Variants in STK32A observed in about 807,000 individuals in gnomAD.
STK32A encodes the protein serine/threonine-protein kinase 32A.
Under a neutral mutation model 53.2 loss-of-function variants are expected in STK32A, and 41 were observed. That is an observed-to-expected ratio of 0.77 (90% confidence interval 0.60 to 1.00). STK32A has a LOEUF of 1.00. Ranked by LOEUF, STK32A falls within the 50% of genes least tolerant of loss-of-function variation. The pLI, the probability that STK32A is intolerant of heterozygous loss-of-function variation, is 0.00. For missense variants in STK32A, 458 were observed against 485.8 expected, an observed-to-expected ratio of 0.94 and a Z score of 0.54; for synonymous variants, 166 against 162.8, an observed-to-expected ratio of 1.02 and a Z score of -0.15.
chr5:147,389,719 A>T (rs1640679909), downstream of STK32A, among the ~76,000 whole-genome samples: 1 of 151,974 alleles, frequency 6.6e-6, no homozygotes. Flanking sequence ...AAATACAAAA[A>T]ATTAGCCGGG....
At chr5:147,363,119 A>AAAAC (rs989330256) in intron 8 of STK32A, among the ~76,000 whole-genome samples, 2 of 151,894 alleles carry the variant, frequency 1.3e-5, no homozygotes, top group Admixed American at 6.6e-5. Context: ...AACAAACAAA[A>AAAAC]AACAAGCAAG....
At chr5:147,284,556 C>G (rs997780687) in intron 4 of STK32A, among the ~76,000 whole-genome samples, 1 of 152,008 alleles carries the variant, frequency 6.6e-6, no homozygotes, top group Admixed American at 6.6e-5. Context: ...AAGAATTCAG[C>G]AAAGTTTCCG....
chr5:147,339,982 CTT>C (rs1755325337), intron 5 of STK32A, among the ~76,000 whole-genome samples: 1 of 152,190 alleles, frequency 6.6e-6, no homozygotes, highest in African/African-American at 2.4e-5. Flanking sequence ...TGAGTTAAGA[CTT>C]TGGGGAATTC....
At chr5:147,254,996 T>C (rs1036167962) in intron 2 of STK32A, among the ~76,000 whole-genome samples, 1 of 151,944 alleles carries the variant, frequency 6.6e-6, no homozygotes, top group Admixed American at 6.6e-5. Context: ...AAAAATTAGC[T>C]GGGCGTGGTG....
At chr5:147,324,874 G>A (rs548586629) in intron 5 of STK32A, among the ~76,000 whole-genome samples, 5 of 152,194 alleles carry the variant, frequency 3.3e-5, no homozygotes, top group African/African-American at 9.6e-5. Flanking sequence ...GTGTTTACTG[G>A]TTGATGACTT....
At chr5:147,395,785 T>A in the STK32A span, 3 of 1,579,044 alleles carry the variant, frequency 1.9e-6, no homozygotes, top group South Asian at 1.1e-5. Context: ...GTTCTAGGTA[T>A]CATAAATATA....
intron 4 of STK32A, among the ~76,000 whole-genome samples, chr5:147,320,222 C>T (rs576623987): frequency 2.0e-5 from 3 of 152,174 alleles, no homozygotes; most frequent in Non-Finnish European, 4.4e-5. Context: ...CTTCCCAACC[C>T]TCAGAGTCAG....
intron 8 of STK32A, among the ~76,000 whole-genome samples, chr5:147,361,958 C>G (rs916945075): frequency 6.6e-6 from 1 of 152,044 alleles, no homozygotes; most frequent in African/African-American, 2.4e-5. Context: ...TAGTACAGGA[C>G]TCTAATTCAG....
chr5:147,337,356 T>C (rs1344370211), intron 5 of STK32A, among the ~76,000 whole-genome samples: 2 of 152,214 alleles, frequency 1.3e-5, no homozygotes, highest in Non-Finnish European at 2.9e-5. Flanking sequence ...TCTTATTTAT[T>C]ACTCTTACTC....
At chr5:147,342,877 G>A (rs778310685) in intron 5 of STK32A, 129 bp from the exon 6 acceptor site, 8 of 696,210 alleles carry the variant, frequency 1.1e-5, no homozygotes, top group African/African-American at 1.8e-5. Flanking sequence ...AATTGAATGA[G>A]AAGATGAGTA....
At chr5:147,351,350 T>C (rs1755967904) in intron 7 of STK32A, among the ~76,000 whole-genome samples, 196 bp downstream of exon 7, 1 of 152,170 alleles carries the variant, frequency 6.6e-6, no homozygotes, top group African/African-American at 2.4e-5. Context: ...ATTGATTACA[T>C]TTTGAAAACT....
chr5:147,296,634 C>A (rs1752881162), intron 4 of STK32A, among the ~76,000 whole-genome samples: 1 of 152,092 alleles, frequency 6.6e-6, no homozygotes, highest in African/African-American at 2.4e-5. Flanking sequence ...CTCCTGAGAT[C>A]TTATCAGGAA....
In STK32A at chr5:147,364,535, A is replaced by G. The variant is rs181608306; in HGVS notation, c.660+2921A>G. The stretch of plus-strand genomic sequence containing the variant: ...TCTCAATACCAAAATTTTAGTCTGC[A>G]ATATCTGCCTTCACAAAATACCACA... On this transcript the variant is annotated intron_variant, in intron 8 of 12. Coordinates refer to ENST00000397936, the MANE Select transcript of STK32A (RefSeq NM_001112724.2). 6.4e-3 allele frequency among the ~76,000 whole-genome samples: 982 copies of G among 152,318 alleles called. 16 individuals carry two copies. Among genetic ancestry groups the G allele is most frequent in the African/African-American group, 0.022 (933 of 41,564 alleles).
chr5:147,252,626 T>C (rs544303634), intron 2 of STK32A, among the ~76,000 whole-genome samples: 20 of 152,168 alleles, frequency 1.3e-4, no homozygotes, highest in African/African-American at 4.6e-4. Flanking sequence ...TGCAAATGAG[T>C]TGTAGAAAGC....
intron 2 of STK32A, among the ~76,000 whole-genome samples, chr5:147,244,948 A>G (rs1753720052): frequency 6.6e-6 from 1 of 152,226 alleles, no homozygotes; most frequent in Non-Finnish European, 1.5e-5. Flanking sequence ...GAAGTACTTT[A>G]AGTTCTGAGA....
At position 147,361,587 on chromosome 5, in the gene STK32A, G is replaced by C. The variant is rs573589015; in HGVS notation, c.633G>C (p.Val211=). The C allele has an allele frequency of 1.9e-6, 3 of 1,613,302 alleles. No individual in the cohort carries two copies. The highest frequency in any genetic ancestry group is 2.5e-6 in the Non-Finnish European group (3 of 1,179,548). ...CTGTTGACTGGTGGTCCCTGGGAGT[G>C]ACGGCATATGAACTGCTGAGAGGCC... ...SFAVDWWSLG[V]TAYELLRGRR... is the part of the protein sequence containing the mutation. Residue 211 remains valine, a synonymous_variant, in exon 8 of 13, where the codon GTG becomes GTC. Transcript: ENST00000397936.
chr5:147,292,631 G>A (rs1352345397), intron 4 of STK32A, among the ~76,000 whole-genome samples: 3 of 152,170 alleles, frequency 2.0e-5, no homozygotes, highest in Admixed American at 6.5e-5. Context: ...CATTTTGGGA[G>A]GCCAAGGCAG....
At chr5:147,392,903 A>T in the STK32A span, 2 of 152,378 alleles carry the variant, frequency 1.3e-5, no homozygotes, top group South Asian at 4.1e-4. Flanking sequence ...CTTGACTTTC[A>T]TATAAGCTGA....
chr5:147,247,282 G>A (rs72822040), intron 2 of STK32A, among the ~76,000 whole-genome samples: 12 of 152,226 alleles, frequency 7.9e-5, no homozygotes, highest in Non-Finnish European at 1.8e-4. Flanking sequence ...AAATATACAC[G>A]GATTTCTACT....
Sources: gnomAD v4.1 joint callset for allele counts (sites outside exome capture counted in the v4.1 genomes callset) on GRCh38, gnomAD v4.1.1 for gene constraint, MANE v1.5 for transcripts, NCBI Gene and HGNC (gene_info 2026-07-23, HGNC 2026-07-21) for gene names.